The following POLG variants were observed in gnomAD, a reference collection of about 807,000 sequenced individuals.
POLG encodes DNA polymerase gamma, catalytic subunit, also known as DNA polymerase subunit gamma-1.
In POLG, 110 loss-of-function variants were observed where a neutral mutation model predicts 155.4. The observed-to-expected ratio is 0.71, with a 90% CI of 0.61 to 0.83. The LOEUF is 0.83. Ranked by LOEUF, POLG falls within the 40% of genes least tolerant of loss-of-function variation. The pLI is 0.00. For synonymous variants in POLG, 701 were observed against 631.5 expected (o/e 1.11, Z -1.65); for missense variants, 1,685 against 1,627.5 (o/e 1.04, Z -0.61).
intron 10 of POLG, among the ~76,000 whole-genome samples, chr15:89,325,145 A>T (rs2055476861): frequency 2.1e-5 from 1 of 47,326 alleles, no homozygotes; most frequent in African/African-American, 6.5e-5. Context: ...TGAGTGAGAG[A>T]GTGAGTGAGT....
chr15:89,325,111 A>AGAGTGAGT (rs554059036), intron 10 of POLG, among the ~76,000 whole-genome samples: 3 of 36,940 alleles, frequency 8.1e-5, no homozygotes, highest in East Asian at 6.6e-4. Context: ...AGAGTGAGAG[A>AGAGTGAGT]GAGTGAGTGA....
chr15:89,321,656 A>G, intron 16 of POLG, 80 bp downstream of exon 16: 3 of 1,017,502 alleles, frequency 2.9e-6, no homozygotes, highest in Non-Finnish European at 4.7e-6. Context: ...TCCTCACTAA[A>G]TACCTAAAGG....
rs373550219 is a variant in POLG at position 89,324,149 on chromosome 15, C to T, written c.2028G>A (p.Ala676=). 2.7e-4 allele frequency: 435 copies of T among 1,614,050 alleles called. 3 individuals are homozygous for T. The Middle Eastern group carries it at 0.013, about 48-fold the overall frequency. ...QQLMPQEAGL[A]EEFLLTDNSA... ...TATTGTCAGTGAGCAGGAACTCCTCCGCCAGGCCGGCCTCCTGGGGCATCA... is the reference window on the plus strand; with the variant it reads ...TATTGTCAGTGAGCAGGAACTCCTCTGCCAGGCCGGCCTCCTGGGGCATCA... Residue 676 remains alanine (A), a synonymous_variant, in exon 11 of 23, where the codon GCG becomes GCA. Coordinates refer to ENST00000268124, the MANE Select transcript of POLG (RefSeq NM_002693.3).
At chr15:89,331,151 A>C (rs1172906297) in intron 2 of POLG, among the ~76,000 whole-genome samples, 1 of 151,962 alleles carries the variant, frequency 6.6e-6, no homozygotes, top group Non-Finnish European at 1.5e-5. Flanking sequence ...GAAGGGAAAA[A>C]GGGAGTATCT....
chr15:89,332,450 GA>G (rs2055605556), intron 2 of POLG: 1 of 152,166 alleles, frequency 6.6e-6, no homozygotes, highest in African/African-American at 2.4e-5. Context: ...GTAGCACTTA[GA>G]AAGTTATTTA....
chr15:89,325,101 A>AGAGGGTGTGT (rs2055467751), intron 10 of POLG, among the ~76,000 whole-genome samples: 1 of 71,052 alleles, frequency 1.4e-5, no homozygotes, highest in African/African-American at 1.3e-4. Context: ...AGTGAGTGAG[A>AGAGGGTGTGT]GAGTGAGAGA....
intron 9 of POLG, among the ~76,000 whole-genome samples, chr15:89,325,981 A>C (rs2055511975): frequency 6.6e-6 from 1 of 152,064 alleles, no homozygotes; most frequent in Non-Finnish European, 1.5e-5. Flanking sequence ...GCTCCATTTC[A>C]TCCAGGGTAA....
intron 10 of POLG, 138 bp downstream of exon 10, chr15:89,325,312 G>GTGTGTGTA: frequency 2.9e-6 from 2 of 689,640 alleles, no homozygotes; most frequent in Non-Finnish European, 5.2e-6. Flanking sequence ...GTGTGTGTGT[G>GTGTGTGTA]TGTTAATTTT....
chr15:89,320,726 G>C, intron 18 of POLG, 40 bp downstream of exon 18: 1 of 1,609,148 alleles, frequency 6.2e-7, no homozygotes, highest in South Asian at 1.1e-5. Context: ...AGCAGGCCTC[G>C]GGTCCTGGGT....
chr15:89,333,596 TTGCTGC>T lies in POLG; in HGVS notation c.153_158del (p.Gln54_Gln55del), dbSNP rs41550117. 4.5e-3 allele frequency: 7,247 copies of T among 1,597,982 alleles called. 23 individuals are homozygous for T. The highest frequency in any genetic ancestry group is 5.4e-3 in the Admixed American group (320 of 59,150). ...GCACTTGCGGCTGCTGAGGCTGCTG[TTGCTGC>T]TGCTGCTGCTGCTGCTGCTGCTGCT... On this transcript the variant is annotated inframe_deletion, in exon 2 of 23. Coordinates refer to ENST00000268124, the MANE Select transcript of POLG (RefSeq NM_002693.3).
Position 89,327,354 on chromosome 15 carries a change from G to A in POLG, c.1251-5C>T, listed in dbSNP as rs199621975. The A allele has an allele frequency of 2.2e-5, 35 of 1,612,536 alleles. 1 individual carries two copies. The South Asian group carries it at 3.6e-4, about 17-fold the overall frequency. ...AGAGTCACTGGGTGGGGACACCTTG[G>A]AGGCAAACACCAGGAGCTGCCATAA... is the stretch of plus-strand genomic sequence containing the variant. On this transcript the variant is annotated splice_region_variant and splice_polypyrimidine_tract_variant and intron_variant, in intron 6 of 22. Coordinates refer to ENST00000268124, the MANE Select transcript of POLG (RefSeq NM_002693.3).
chr15:89,329,257 TAC>T (rs2055564624), intron 3 of POLG, 147 bp from the exon 4 acceptor site: 2 of 691,420 alleles, frequency 2.9e-6, no homozygotes, highest in African/African-American at 3.5e-5. Flanking sequence ...CAACACCAAA[TAC>T]AGAATCCTCA....
At chr15:89,317,650 C>G in intron 21 of POLG, 114 bp from the exon 22 acceptor site, 1 of 1,013,740 alleles carries the variant, frequency 9.9e-7, no homozygotes, top group East Asian at 2.4e-5. Flanking sequence ...GACCAACACC[C>G]CATCTGTTCA....
intron 20 of POLG, 29 bp downstream of exon 20, chr15:89,318,902 C>CT (rs1567185398): frequency 5.0e-6 from 8 of 1,613,646 alleles, no homozygotes; most frequent in Non-Finnish European, 5.9e-6. Flanking sequence ...TGGGGCCCCT[C>CT]TGCCCATGCT....
chr15:89,319,405 G>C, intron 18 of POLG, 55 bp from the exon 19 acceptor site: 1 of 1,607,044 alleles, frequency 6.2e-7, no homozygotes, highest in Non-Finnish European at 8.5e-7. Context: ...TGCCACGCTA[G>C]TGCCTTGGCA....
chr15:89,323,049 ACGCGCGCACG>A lies in POLG; in HGVS notation c.2266-157_2266-148del, dbSNP rs983230965. 7 of 753,886 alleles carry A rather than the reference ACGCGCGCACG, an allele frequency of 9.3e-6. No individual in the cohort carries two copies. In the African/African-American group the frequency reaches 1.2e-4, roughly 13 times the overall value. The allele number at this position is 753,886 out of a possible 1,614,324, so 46.7% of individuals were successfully genotyped here. A position where few individuals can be genotyped will look rare whatever the true frequency, so the allele number is the denominator to read the frequency against. ...CCCTGATTGTATCACGCACGCGCGCACGCGCGCACGCACACACACACGTGCACACACATGC... is the reference window on the plus strand; with the variant it reads ...CCCTGATTGTATCACGCACGCGCGCACACACACACACGTGCACACACATGC... On this transcript the variant is annotated intron_variant, in intron 13 of 22. Transcript: ENST00000268124.
At chr15:89,333,999 C>A in intron 1 of POLG, 86 bp from the exon 2 acceptor site, 1 of 576,044 alleles carries the variant, frequency 1.7e-6, no homozygotes. Context: ...GCATTTACTG[C>A]GTCCCCAACA....
intron 13 of POLG, 85 bp downstream of exon 13, chr15:89,323,317 GTC>G: frequency 1.2e-6 from 1 of 809,180 alleles, no homozygotes; most frequent in Non-Finnish European, 2.2e-6. Context: ...AAAAAGGAAA[GTC>G]TCAGGTGTGT....
chr15:89,318,516 G>T, intron 21 of POLG, 25 bp downstream of exon 21: 1 of 1,602,664 alleles, frequency 6.2e-7, no homozygotes, highest in Non-Finnish European at 8.5e-7. Flanking sequence ...ACATGGCCAG[G>T]CTAGAGGCCA....
Sources: allele counts gnomAD v4.1 joint callset (sites outside exome capture counted in the v4.1 genomes callset), GRCh38; gene constraint gnomAD v4.1.1; transcripts MANE v1.5; gene names NCBI Gene and HGNC (gene_info 2026-07-23, HGNC 2026-07-21).